The following SYNE1 variants were observed in gnomAD, a reference collection of about 807,000 sequenced individuals.
SYNE1 encodes spectrin repeat containing nuclear envelope protein 1.
In SYNE1, 616 loss-of-function variants were observed where a neutral mutation model predicts 1,111.0. The observed-to-expected ratio is 0.55, with a 90% confidence interval of 0.52 to 0.59. The LOEUF is 0.59. Ranked by LOEUF, SYNE1 falls within the 20% of genes least tolerant of loss-of-function variation. The pLI is 0.00. For missense variants in SYNE1, 10,006 were observed against 10,417.0 expected, an observed-to-expected ratio of 0.96 and a Z score of 1.72; for synonymous variants, 3,855 against 3,825.8, an observed-to-expected ratio of 1.01 and a Z score of -0.28.
At chr6:152,490,337 C>T (rs2098963753) in intron 11 of SYNE1, among the ~76,000 whole-genome samples, 1 of 152,044 alleles carries the variant, frequency 6.6e-6, no homozygotes, top group South Asian at 2.1e-4. Context: ...ACACAAAATC[C>T]TTGTCAGGCC....
intron 131 of SYNE1, among the ~76,000 whole-genome samples, chr6:152,156,820 A>G (rs537315651): frequency 2.6e-5 from 4 of 151,942 alleles, no homozygotes; most frequent in African/African-American, 9.6e-5. Flanking sequence ...GGGCTTTAAG[A>G]TCCAAAGATT....
At chr6:152,444,703 G>A in intron 29 of SYNE1, 125 bp from the exon 30 acceptor site, 1 of 836,470 alleles carries the variant, frequency 1.2e-6, no homozygotes, top group South Asian at 1.7e-5. Flanking sequence ...CTACGTGACT[G>A]TGAAATGATT....
At chr6:152,361,524 A>C (rs1273671520) in intron 64 of SYNE1, among the ~76,000 whole-genome samples, 1 of 152,236 alleles carries the variant, frequency 6.6e-6, no homozygotes, top group Non-Finnish European at 1.5e-5. Flanking sequence ...TGAGGTTTCC[A>C]ATGTAATATA....
Position 152,176,447 on chromosome 6 carries a change from C to G in SYNE1, c.23574G>C (p.Lys7858Asn), listed in dbSNP as rs752645703. Residue 7858 changes from lysine (K) to asparagine (N), a missense_variant, in exon 130 of 146, where the codon AAG becomes AAC. By Grantham distance (94) the Lys-to-Asn change is moderately conservative. Transcript: ENST00000367255. Reference sequence around the variant, plus strand: ...GCCACCGGTCGTTGACCTTTCCCAGCTTGTATTCAATCTCAGATGCTTTGC... The same window carrying G: ...GCCACCGGTCGTTGACCTTTCCCAGGTTGTATTCAATCTCAGATGCTTTGC... ...HESKASEIEY[K>N]LGKVNDRWQH... 1.2e-6 allele frequency: 2 copies of G among 1,614,060 alleles called. No individual in the cohort carries two copies. The highest frequency in any genetic ancestry group is 2.7e-5 in the African/African-American group (2 of 74,938).
rs2099261535 is a variant in SYNE1, at chr6:152,539,963, G to A, written c.126C>T (p.Ala42=). 5 of 1,613,706 alleles carry A rather than the reference G, an allele frequency of 3.1e-6. No individual in the cohort carries two copies. Among genetic ancestry groups the A allele is most frequent in the Non-Finnish European group, 1.7e-6 (2 of 1,179,876 alleles). Residue 42 remains alanine (A), a synonymous_variant, in exon 4 of 146, where the codon GCC becomes GCT. Coordinates refer to ENST00000367255, the MANE Select transcript of SYNE1 (RefSeq NM_182961.4). ...TFTKWINSHL[A]KRKPPMVVDD... is the part of the protein sequence containing the mutation. ...AATGCTGGGTAGTTTCCTTTACCTT[G>A]GCCAGATGAGAGTTGATCCATTTTG...
At chr6:152,133,639 C>T (rs913003604) in intron 142 of SYNE1, 151 bp from the exon 143 acceptor site, 16 of 771,060 alleles carry the variant, frequency 2.1e-5, no homozygotes, top group East Asian at 2.7e-5. Flanking sequence ...CAGCAGCTCA[C>T]GGCCTGAGTT....
At chr6:152,426,410 G>A (rs566254005) in intron 38 of SYNE1, among the ~76,000 whole-genome samples, 9 of 152,346 alleles carry the variant, frequency 5.9e-5, no homozygotes, top group Admixed American at 3.3e-4. Context: ...AAGAAACAGC[G>A]CAGGGTGCAG....
rs1176199818 is a variant in SYNE1 at position 152,364,973 on chromosome 6, A to G, written c.10019T>C (p.Ile3340Thr). 23 of 1,614,102 alleles carry G rather than the reference A, an allele frequency of 1.4e-5. No individual in the cohort carries two copies. The highest frequency in any genetic ancestry group is 8.0e-5 in the African/African-American group (6 of 74,932). ...AAGGACAGATTCTCCCCTGGTCACT[A>G]TCATTTTCATCTGAATCTCTTTTTC... ...KQEKEIQMKMIVTRGESVLQN... is the reference protein window; with the variant it reads ...KQEKEIQMKMTVTRGESVLQN... Residue 3340 changes from isoleucine (I) to threonine (T), a missense_variant, in exon 63 of 146, where the codon ATA (isoleucine) becomes ACA (threonine). Transcript: ENST00000367255.
intron 115 of SYNE1, among the ~76,000 whole-genome samples, chr6:152,229,262 A>G (rs980229880): frequency 6.6e-6 from 1 of 152,222 alleles, no homozygotes; most frequent in Middle Eastern, 3.2e-3. Flanking sequence ...GGGAACAGTC[A>G]TAATCTGTAA....
intron 97 of SYNE1, among the ~76,000 whole-genome samples, chr6:152,278,831 G>C (rs895082764): frequency 1.7e-4 from 26 of 152,148 alleles, no homozygotes; most frequent in African/African-American, 6.0e-4. Flanking sequence ...GCTTTGGCAT[G>C]AACATGGCTC....
At chr6:152,338,141 C>T (rs1031690796) in intron 75 of SYNE1, among the ~76,000 whole-genome samples, 2 of 152,002 alleles carry the variant, frequency 1.3e-5, no homozygotes, top group African/African-American at 4.8e-5. Flanking sequence ...GAGTGAGACT[C>T]TTTCTCCAAA....
At chr6:152,505,509 T>A in intron 8 of SYNE1, 112 bp from the exon 9 acceptor site, 1 of 1,168,764 alleles carries the variant, frequency 8.6e-7, no homozygotes, top group Non-Finnish European at 1.2e-6. Context: ...CAGAGAGCTG[T>A]ATCAGTTCAT....
intron 130 of SYNE1, chr6:152,167,918 G>A (rs2064046335): frequency 1.3e-6 from 1 of 765,688 alleles, no homozygotes; most frequent in East Asian, 2.5e-5. Context: ...AGCTCTGCAT[G>A]CCCAGTAGAG....
rs562087983 is a variant in SYNE1, at chr6:152,584,608, T to G, written c.67+43657A>C. ...TAGTAGAGACGAGGTCTCGCTACAT[T>G]GCCCAGGCTGCTCTACACTTCTGGG... is the stretch of plus-strand genomic sequence containing the variant. On this transcript the variant is annotated intron_variant, in intron 3 of 145. Coordinates refer to ENST00000367255, the MANE Select transcript of SYNE1 (RefSeq NM_182961.4). 3.9e-5 allele frequency among the ~76,000 whole-genome samples: 6 copies of G among 152,106 alleles called. No homozygotes were observed. In the South Asian group the frequency reaches 1.2e-3, roughly 32 times the overall value.
Position 152,308,528 on chromosome 6 carries a change from A to G in SYNE1, c.17307T>C (p.Ser5769=). ...REIEDKPVAT[S]NIQELQAQIS... The stretch of plus-strand genomic sequence containing the variant: ...TCTGAGCCTGCAGCTCCTGTATGTT[A>G]CTGGTGGCAACAGGTTTATCCTCAA... The change falls in exon 91 of 146, where the codon AGT becomes AGC. Residue 5769 remains serine, a synonymous_variant. Coordinates refer to ENST00000367255, the MANE Select transcript of SYNE1 (RefSeq NM_182961.4). The G allele has an allele frequency of 6.2e-7, 1 of 1,614,064 alleles. No homozygotes were observed. The highest frequency in any genetic ancestry group is 1.1e-5 in the South Asian group (1 of 91,074).
intron 64 of SYNE1, among the ~76,000 whole-genome samples, chr6:152,361,333 A>G (rs942583017): frequency 2.0e-5 from 3 of 152,210 alleles, no homozygotes; most frequent in African/African-American, 4.8e-5. Context: ...AGACAATGGG[A>G]AGCCAACACA....
At chr6:152,492,181 G>A (rs2085322815) in intron 11 of SYNE1, among the ~76,000 whole-genome samples, 1 of 152,254 alleles carries the variant, frequency 6.6e-6, no homozygotes, top group South Asian at 2.1e-4. Flanking sequence ...AGACCCAGAG[G>A]GGCCAGAAGG....
intron 3 of SYNE1, among the ~76,000 whole-genome samples, chr6:152,591,813 A>AAAAAT (rs950552477): frequency 2.0e-5 from 3 of 151,968 alleles, no homozygotes; most frequent in Non-Finnish European, 4.4e-5. Flanking sequence ...TCAACAGCAA[A>AAAAAT]AAAATAAAAT....
chr6:152,502,631 A>G lies in SYNE1; in HGVS notation c.888+2T>C, dbSNP rs754518742. The G allele has an allele frequency of 6.2e-7, 1 of 1,609,132 alleles. No homozygotes were observed. The highest frequency in any genetic ancestry group is 8.5e-7 in the Non-Finnish European group (1 of 1,175,558). On this transcript the variant is annotated splice_donor_variant, in intron 10 of 145. Coordinates refer to ENST00000367255, the MANE Select transcript of SYNE1 (RefSeq NM_182961.4). LOFTEE classifies it high-confidence loss of function. ...TGATACTTGAAGAAAGCAAATACCT[A>G]CATCATCCTCTTGCCCATCAGTGCT...
Sources: gnomAD v4.1 joint callset for allele counts (sites outside exome capture counted in the v4.1 genomes callset) on GRCh38, gnomAD v4.1.1 for gene constraint, MANE v1.5 for transcripts, NCBI Gene and HGNC (gene_info 2026-07-23, HGNC 2026-07-21) for gene names.